The following MRAP2 variants were observed in gnomAD, a reference collection of about 807,000 sequenced individuals.
MRAP2 encodes melanocortin 2 receptor accessory protein 2.
A neutral mutation model predicts 17.4 loss-of-function variants in MRAP2; 20 were observed. The ratio of observed to expected loss-of-function variants is 1.15; its 90% CI spans 0.81 to 1.67. The LOEUF is 1.67. Among genes scored for constraint, MRAP2 ranks in the 40% most tolerant of loss-of-function variants. The pLI is 0.00. For missense variants in MRAP2, 238 were observed against 240.0 expected, an observed-to-expected ratio of 0.99 and a Z score of 0.05; for synonymous variants, 96 against 88.4, an observed-to-expected ratio of 1.09 and a Z score of -0.48.
At chr6:84,134,378 G>C in the MRAP2 span, among the ~76,000 whole-genome samples, 3 of 152,128 alleles carry the variant, frequency 2.0e-5, no homozygotes, top group African/African-American at 7.2e-5. Context: ...TGGCATTCCA[G>C]GCGCCACTGT....
intron 3 of MRAP2, among the ~76,000 whole-genome samples, chr6:84,083,811 T>C (rs1478296465): frequency 1.3e-5 from 2 of 152,162 alleles, no homozygotes; most frequent in Non-Finnish European, 2.9e-5. Context: ...TAGAAAAATA[T>C]TATACACACA....
intron 1 of MRAP2, among the ~76,000 whole-genome samples, chr6:84,048,014 C>T (rs1250164428): frequency 6.6e-6 from 1 of 152,144 alleles, no homozygotes; most frequent in Non-Finnish European, 1.5e-5. Context: ...TATCATTCAT[C>T]TGTGATTAGA....
At chr6:84,121,169 G>A in the MRAP2 span, among the ~76,000 whole-genome samples, 2 of 151,462 alleles carry the variant, frequency 1.3e-5, no homozygotes, top group Non-Finnish European at 2.9e-5. Flanking sequence ...TGAACTCCTG[G>A]ACTCAAGTGG....
the MRAP2 span, chr6:84,126,392 G>GT: frequency 6.3e-7 from 1 of 1,594,730 alleles, no homozygotes; most frequent in Non-Finnish European, 8.5e-7. Flanking sequence ...TGAAGTTCCT[G>GT]TTCTCTTTGT....
rs150753927 is a variant in MRAP2 at position 84,047,099 on chromosome 6, T to C, written c.-7-8213T>C. On this transcript the variant is annotated intron_variant, in intron 1 of 3. Transcript: ENST00000257776. ...CATCCTCTGGGGTTCTCTTTTGCTT[T>C]AGAGAGTTCTCATTACCCTCCCCTC... 8.8e-4 allele frequency among the ~76,000 whole-genome samples: 134 copies of C among 152,192 alleles called. 1 individual carries two copies. The East Asian group carries it at 0.012, about 13-fold the overall frequency.
chr6:84,133,148 T>C, the MRAP2 span, among the ~76,000 whole-genome samples: 457 of 152,284 alleles, frequency 3.0e-3, 2 homozygotes, highest in African/African-American at 0.01. Context: ...TTTGCCTGGG[T>C]ATCACCAGCA....
At position 84,033,790 on chromosome 6, in the gene MRAP2, G is replaced by A; in HGVS notation, c.-101G>A. On this transcript the variant is annotated 5_prime_UTR_variant, in exon 1 of 4. Transcript: ENST00000257776. ...AGGAGCTACTCGCCCGGCCCTGGGC[G>A]GTGGGAGGCGGCGGCGGCGGCGGCG... 1.0e-6 allele frequency: 1 copy of A among 986,870 alleles called. No homozygotes were observed. The highest frequency in any genetic ancestry group is 1.2e-6 in the Non-Finnish European group (1 of 830,950). 61.1% of individuals were successfully genotyped at this position (986,870 alleles called of 1,614,324 possible). A position where few individuals can be genotyped will look rare whatever the true frequency, so the allele number is the denominator to read the frequency against.
intron 2 of MRAP2, among the ~76,000 whole-genome samples, chr6:84,057,650 CCT>C (rs1562877897): frequency 6.6e-6 from 1 of 152,116 alleles, no homozygotes; most frequent in African/African-American, 2.4e-5. Flanking sequence ...TTATTGAGCA[CCT>C]GTTATGTGCA....
At chr6:84,064,665 T>C (rs1320927714) in intron 3 of MRAP2, among the ~76,000 whole-genome samples, 1 of 152,104 alleles carries the variant, frequency 6.6e-6, no homozygotes, top group Non-Finnish European at 1.5e-5. Context: ...TTTTTTGTAT[T>C]TTTAGTAGAG....
At chr6:84,099,733 G>A in the MRAP2 span, among the ~76,000 whole-genome samples, 1 of 152,168 alleles carries the variant, frequency 6.6e-6, no homozygotes, top group Non-Finnish European at 1.5e-5. Context: ...CCACACTTGT[G>A]CAGCCTGAAT....
chr6:84,121,823 T>C, the MRAP2 span, among the ~76,000 whole-genome samples: 1 of 152,138 alleles, frequency 6.6e-6, no homozygotes, highest in African/African-American at 2.4e-5. Flanking sequence ...GGAAAGTTTA[T>C]AGAATAAATG....
intron 1 of MRAP2, among the ~76,000 whole-genome samples, chr6:84,052,273 C>CT (rs1033288682): frequency 2.2e-4 from 33 of 152,182 alleles, no homozygotes; most frequent in African/African-American, 8.0e-4. Flanking sequence ...GAGAGAGCAG[C>CT]TGCCGGCCTG....
intron 3 of MRAP2, among the ~76,000 whole-genome samples, chr6:84,068,071 G>A (rs982321118): frequency 2.6e-5 from 4 of 152,082 alleles, no homozygotes; most frequent in African/African-American, 4.8e-5. Context: ...TTTGTATAAG[G>A]TGAGAGATAA....
chr6:84,082,225 T>G (rs2099499175), intron 3 of MRAP2, among the ~76,000 whole-genome samples: 1 of 152,208 alleles, frequency 6.6e-6, no homozygotes, highest in South Asian at 2.1e-4. Context: ...GTCTATTCTA[T>G]AGGCAGATAA....
At chr6:84,102,956 A>T in the MRAP2 span, among the ~76,000 whole-genome samples, 1 of 152,230 alleles carries the variant, frequency 6.6e-6, no homozygotes, top group Non-Finnish European at 1.5e-5. Context: ...ATCAAGAAGT[A>T]AAATGATGAC....
the MRAP2 span, among the ~76,000 whole-genome samples, chr6:84,115,908 C>A: frequency 6.6e-6 from 1 of 152,136 alleles, no homozygotes; most frequent in African/African-American, 2.4e-5. Context: ...ATGAGCTGCA[C>A]CCACTGTCCA....
At chr6:84,078,552 T>C (rs2099498188) in intron 3 of MRAP2, among the ~76,000 whole-genome samples, 2 of 152,174 alleles carry the variant, frequency 1.3e-5, no homozygotes, top group Admixed American at 1.3e-4. Flanking sequence ...ATGTTGAAAT[T>C]TGATCCCGTG....
the MRAP2 span, among the ~76,000 whole-genome samples, chr6:84,097,390 C>G: frequency 6.6e-6 from 1 of 152,080 alleles, no homozygotes; most frequent in African/African-American, 2.4e-5. Flanking sequence ...GGAAACTTCA[C>G]TTTCCTTCAT....
chr6:84,038,635 G>T (rs1246062912), intron 1 of MRAP2, among the ~76,000 whole-genome samples: 1 of 152,014 alleles, frequency 6.6e-6, no homozygotes, highest in African/African-American at 2.4e-5. Context: ...GGGACTACAG[G>T]CACAGAACAC....
Sources: gnomAD v4.1 joint callset for allele counts (sites outside exome capture counted in the v4.1 genomes callset) on GRCh38, gnomAD v4.1.1 for gene constraint, MANE v1.5 for transcripts, NCBI Gene and HGNC (gene_info 2026-07-23, HGNC 2026-07-21) for gene names.